CAMK1D: variants seen among roughly 807,000 people sequenced by gnomAD.
CAMK1D encodes the protein calcium/calmodulin dependent protein kinase ID.
In CAMK1D, 9 loss-of-function variants were observed where a neutral mutation model predicts 47.7. The ratio of observed to expected loss-of-function variants is 0.19; its 90% CI spans 0.11 to 0.33. CAMK1D has a LOEUF of 0.33. Ranked by LOEUF, CAMK1D falls within the 10% of genes least tolerant of loss-of-function variation. The probability of loss-of-function intolerance (pLI) is 1.00; values close to 1 mark genes in which losing one functional copy is unlikely to be tolerated. For synonymous variants in CAMK1D, 184 were observed against 184.9 expected (o/e 0.99, Z 0.04); for missense variants, 291 against 488.7 (o/e 0.60, Z 3.81).
chr10:12,693,997 T>A (rs1216616482), intron 3 of CAMK1D, among the ~76,000 whole-genome samples: 2 of 75,710 alleles, frequency 2.6e-5, no homozygotes, highest in African/African-American at 5.2e-5. Flanking sequence ...ATACATATAA[T>A]ATATATAATA....
chr10:12,751,119 A>AAGATG (rs1260455571), intron 3 of CAMK1D, among the ~76,000 whole-genome samples: 2 of 81,862 alleles, frequency 2.4e-5, no homozygotes, highest in Non-Finnish European at 5.1e-5. Flanking sequence ...AAGATAAGAT[A>AAGATG]AGATAAGAAG....
intron 2 of CAMK1D, among the ~76,000 whole-genome samples, chr10:12,635,144 G>A (rs1839478276): frequency 6.6e-6 from 1 of 152,062 alleles, no homozygotes; most frequent in Non-Finnish European, 1.5e-5. Context: ...GTTGATGTGG[G>A]GTGTGGTGGA....
intron 2 of CAMK1D, among the ~76,000 whole-genome samples, chr10:12,603,151 T>C (rs1328592583): frequency 1.3e-5 from 2 of 152,148 alleles, no homozygotes; most frequent in East Asian, 3.9e-4. Flanking sequence ...CTTCAGATGA[T>C]CCACCTCCCA....
intron 1 of CAMK1D, among the ~76,000 whole-genome samples, chr10:12,515,284 A>C (rs1041030240): frequency 3.9e-5 from 6 of 152,012 alleles, no homozygotes; most frequent in African/African-American, 1.4e-4. Context: ...CGGATACAGA[A>C]CATTCCCATA....
chr10:12,687,664 A>G (rs1832715906), intron 3 of CAMK1D, among the ~76,000 whole-genome samples: 1 of 152,210 alleles, frequency 6.6e-6, no homozygotes, highest in Non-Finnish European at 1.5e-5. Flanking sequence ...TCACACTAGG[A>G]CAGGAGGCAT....
At chr10:12,818,523 T>C (rs1336328689) in intron 8 of CAMK1D, among the ~76,000 whole-genome samples, 1 of 152,030 alleles carries the variant, frequency 6.6e-6, no homozygotes, top group Non-Finnish European at 1.5e-5. Context: ...ATACAAAAAT[T>C]AGCCGGACAC....
intron 1 of CAMK1D, among the ~76,000 whole-genome samples, chr10:12,406,964 G>A (rs12255958): frequency 6.6e-6 from 1 of 152,100 alleles, no homozygotes. Flanking sequence ...TGATACCGCA[G>A]ACTTGCTTTC....
chr10:12,401,895 C>CTATATATGTA (rs1554765712), intron 1 of CAMK1D, among the ~76,000 whole-genome samples: 1 of 146,048 alleles, frequency 6.8e-6, no homozygotes, highest in Non-Finnish European at 1.5e-5. Flanking sequence ...TATTCTCAGA[C>CTATATATGTA]TATATATATA....
intron 2 of CAMK1D, among the ~76,000 whole-genome samples, chr10:12,567,015 C>T (rs1456884141): frequency 6.6e-6 from 1 of 152,158 alleles, no homozygotes; most frequent in Admixed American, 6.6e-5. Flanking sequence ...CGTCGCCGAG[C>T]CTGCAGTACA....
At chr10:12,505,557 T>G (rs544046962) in intron 1 of CAMK1D, among the ~76,000 whole-genome samples, 1 of 152,232 alleles carries the variant, frequency 6.6e-6, no homozygotes, top group East Asian at 1.9e-4. Flanking sequence ...GGCTCCTTGC[T>G]TGGTCTACAC....
intron 2 of CAMK1D, among the ~76,000 whole-genome samples, chr10:12,648,147 A>T (rs1348669448): frequency 2.0e-5 from 3 of 152,194 alleles, no homozygotes; most frequent in African/African-American, 7.2e-5. Flanking sequence ...TTTTTTATAG[A>T]CCTTAAAGAC....
At chr10:12,639,391 A>G (rs1216015590) in intron 2 of CAMK1D, among the ~76,000 whole-genome samples, 1 of 152,228 alleles carries the variant, frequency 6.6e-6, no homozygotes, top group Non-Finnish European at 1.5e-5. Flanking sequence ...AGGCTGAGGC[A>G]GGAGAATCAC....
At chr10:12,730,131 C>A (rs976015220) in intron 3 of CAMK1D, among the ~76,000 whole-genome samples, 1 of 152,102 alleles carries the variant, frequency 6.6e-6, no homozygotes, top group Non-Finnish European at 1.5e-5. Flanking sequence ...TGGGAGGCTG[C>A]GGCAGTGACC....
chr10:12,658,651 A>G (rs1840186234), intron 2 of CAMK1D, among the ~76,000 whole-genome samples: 1 of 152,030 alleles, frequency 6.6e-6, no homozygotes, highest in Admixed American at 6.6e-5. Context: ...CATCAAGAGG[A>G]ATGCACCGGC....
chr10:12,577,737 C>T (rs948405480), intron 2 of CAMK1D, among the ~76,000 whole-genome samples: 20 of 152,228 alleles, frequency 1.3e-4, no homozygotes, highest in Admixed American at 4.6e-4. Context: ...AACCCCACTC[C>T]GGCCAATGCC....
At chr10:12,804,001 T>A (rs985397176) in intron 6 of CAMK1D, among the ~76,000 whole-genome samples, 5 of 152,110 alleles carry the variant, frequency 3.3e-5, no homozygotes, top group Non-Finnish European at 7.4e-5. Context: ...AGCAAGGAAG[T>A]CCCTGGAGGC....
At chr10:12,505,066 GT>G (rs1827636647) in intron 1 of CAMK1D, among the ~76,000 whole-genome samples, 1 of 152,224 alleles carries the variant, frequency 6.6e-6, no homozygotes, top group Admixed American at 6.5e-5. Flanking sequence ...TTTTGTTTTA[GT>G]TCTTGGCATT....
chr10:12,816,705 C>A (rs1230973821), intron 8 of CAMK1D, among the ~76,000 whole-genome samples: 2 of 151,584 alleles, frequency 1.3e-5, no homozygotes, highest in Non-Finnish European at 2.9e-5. Flanking sequence ...CCCATTTCTA[C>A]TAAAAATACA....
intron 2 of CAMK1D, among the ~76,000 whole-genome samples, chr10:12,634,704 T>C (rs1028208235): frequency 6.6e-5 from 10 of 152,180 alleles, no homozygotes; most frequent in African/African-American, 2.4e-4. Context: ...TTTCTCGTCA[T>C]GCTGGTGTTT....
Sources: allele counts gnomAD v4.1 joint callset (sites outside exome capture counted in the v4.1 genomes callset), GRCh38; gene constraint gnomAD v4.1.1; transcripts MANE v1.5; gene names NCBI Gene and HGNC (gene_info 2026-07-23, HGNC 2026-07-21).